ALKBH8: variants seen among roughly 807,000 people sequenced by gnomAD.
The protein encoded by ALKBH8 is alkB homolog 8, tRNA methyltransferase, also known as tRNA (carboxymethyluridine(34)-5-O)-methyltransferase ALKBH8.
In ALKBH8, 36 loss-of-function variants were observed where a neutral mutation model predicts 59.8. That is an observed-to-expected ratio of 0.60 (90% CI 0.46 to 0.79). The LOEUF is 0.79. Among genes scored for constraint, ALKBH8 ranks in the 30% least tolerant of loss-of-function variants. The pLI is 0.00. For synonymous variants in ALKBH8, 276 were observed against 273.6 expected, an observed-to-expected ratio of 1.01 and a Z score of -0.09; for missense variants, 768 against 801.0, an observed-to-expected ratio of 0.96 and a Z score of 0.50.
chr11:107,507,438 A>G (rs1268183877), intron 11 of ALKBH8, among the ~76,000 whole-genome samples: 2 of 152,190 alleles, frequency 1.3e-5, no homozygotes, highest in Non-Finnish European at 2.9e-5. Flanking sequence ...GGGTTTAAGG[A>G]GCTGGGAAAT....
chr11:107,550,877 C>G (rs1445436421), intron 6 of ALKBH8, among the ~76,000 whole-genome samples: 8 of 152,138 alleles, frequency 5.3e-5, no homozygotes, highest in Non-Finnish European at 1.2e-4. Context: ...GGAAGGGAGG[C>G]CTCACCAGGA....
At chr11:107,542,867 G>C (rs1373774785) in intron 7 of ALKBH8, among the ~76,000 whole-genome samples, 1 of 152,132 alleles carries the variant, frequency 6.6e-6, no homozygotes, top group Non-Finnish European at 1.5e-5. Flanking sequence ...CCATGAGTGT[G>C]CCACTGCACT....
chr11:107,555,543 T>C (rs564974441), intron 3 of ALKBH8, among the ~76,000 whole-genome samples: 2 of 152,344 alleles, frequency 1.3e-5, no homozygotes, highest in East Asian at 3.9e-4. Context: ...GATAATCTAG[T>C]TTCCAAAATA....
intron 7 of ALKBH8, among the ~76,000 whole-genome samples, chr11:107,539,471 C>T (rs1214408207): frequency 4.6e-5 from 7 of 151,860 alleles, no homozygotes; most frequent in Non-Finnish European, 8.8e-5. Context: ...TGGTGGTGGG[C>T]GTCTATAGTC....
At chr11:107,522,690 A>C in intron 9 of ALKBH8, 135 bp from the exon 10 acceptor site, 1 of 1,106,824 alleles carries the variant, frequency 9.0e-7, no homozygotes, top group African/African-American at 1.6e-5. Context: ...TTAAAAGAAA[A>C]AGTTCTTCCC....
intron 7 of ALKBH8, among the ~76,000 whole-genome samples, chr11:107,537,868 G>C (rs1478560420): frequency 1.3e-5 from 2 of 152,000 alleles, no homozygotes; most frequent in Non-Finnish European, 2.9e-5. Context: ...GCACTAAATA[G>C]AAAATAAAAA....
At chr11:107,549,926 G>T in intron 6 of ALKBH8, 103 bp from the exon 7 acceptor site, 1 of 771,556 alleles carries the variant, frequency 1.3e-6, no homozygotes, top group Non-Finnish European at 2.0e-6. Flanking sequence ...AACATTGCTT[G>T]GTAATCAGGA....
chr11:107,546,227 G>A (rs1864247339), intron 7 of ALKBH8, among the ~76,000 whole-genome samples: 1 of 152,134 alleles, frequency 6.6e-6, no homozygotes, highest in Non-Finnish European at 1.5e-5. Context: ...TTAGGGAGAT[G>A]CACATTAAAT....
intron 7 of ALKBH8, among the ~76,000 whole-genome samples, chr11:107,536,687 G>A (rs1169528183): frequency 6.6e-6 from 1 of 152,132 alleles, no homozygotes; most frequent in Non-Finnish European, 1.5e-5. Context: ...AAACTCAGCG[G>A]TAAGGGGAAG....
At chr11:107,556,152 C>T (rs968907570) in intron 3 of ALKBH8, among the ~76,000 whole-genome samples, 14 of 152,142 alleles carry the variant, frequency 9.2e-5, no homozygotes, top group African/African-American at 2.9e-4. Flanking sequence ...GTGGCACATG[C>T]CTGTAATCCC....
At chr11:107,546,304 C>T (rs1864251012) in intron 7 of ALKBH8, among the ~76,000 whole-genome samples, 1 of 152,148 alleles carries the variant, frequency 6.6e-6, no homozygotes, top group African/African-American at 2.4e-5. Context: ...TGCCCAACAA[C>T]ATTACTAGTT....
chr11:107,512,838 G>A (rs1256132475), intron 10 of ALKBH8, among the ~76,000 whole-genome samples: 1 of 152,134 alleles, frequency 6.6e-6, no homozygotes, highest in Non-Finnish European at 1.5e-5. Context: ...AACATGCTGG[G>A]ATAACTGGCT....
intron 7 of ALKBH8, among the ~76,000 whole-genome samples, chr11:107,546,429 A>C (rs886303530): frequency 3.9e-5 from 6 of 152,208 alleles, no homozygotes; most frequent in Non-Finnish European, 8.8e-5. Flanking sequence ...TAAAAACAAA[A>C]GCCTAGTAGA....
intron 2 of ALKBH8, among the ~76,000 whole-genome samples, chr11:107,557,838 T>C (rs1279580811): frequency 6.6e-6 from 1 of 152,236 alleles, no homozygotes; most frequent in African/African-American, 2.4e-5. Flanking sequence ...AGCACCCATA[T>C]AGTCTCTATA....
chr11:107,504,738 A>T lies in ALKBH8; in HGVS notation c.1915T>A (p.Cys639Ser). The change falls in exon 12 of 12, where the codon TGC (cysteine) becomes AGC (serine). Residue 639 changes from cysteine to serine, a missense_variant. Coordinates refer to ENST00000428149, the MANE Select transcript of ALKBH8 (RefSeq NM_138775.3). The stretch of plus-strand genomic sequence containing the variant: ...ATTCTGACATCACTCACAGTCCTGC[A>T]GGCACCTTCCAGTTCTCCCTCACGG... ...VFREGELEGA[C>S]RTVSDVRILQ... 1 of 1,552,100 alleles carries T rather than the reference A, an allele frequency of 6.4e-7. No homozygotes were observed. Among genetic ancestry groups the T allele is most frequent in the Non-Finnish European group, 8.7e-7 (1 of 1,147,058 alleles).
chr11:107,553,257 T>G (rs964618386), intron 4 of ALKBH8, 54 bp from the exon 5 acceptor site: 4 of 1,221,286 alleles, frequency 3.3e-6, no homozygotes, highest in Non-Finnish European at 4.6e-6. Flanking sequence ...TACATTCCTT[T>G]GCATATTTCA....
At position 107,505,051 on chromosome 11, in the gene ALKBH8, A is replaced by G; in HGVS notation, c.1602T>C (p.Asp534=). ...SQGKKEEMNS[D]TSVQRSLVEQ... ...CCACAAGTGACCTCTGCACTGAGGT[A>G]TCACTGTTCATCTCCTCTTTCTTTC... is the stretch of plus-strand genomic sequence containing the variant. Residue 534 remains aspartate, a synonymous_variant, in exon 12 of 12, where the codon GAT becomes GAC. Transcript: ENST00000428149. 1 of 1,551,666 alleles carries G rather than the reference A, an allele frequency of 6.4e-7. No individual in the cohort carries two copies. Among genetic ancestry groups the G allele is most frequent in the South Asian group, 1.2e-5 (1 of 84,046 alleles).
At chr11:107,525,736 G>GA (rs1863326310) in intron 8 of ALKBH8, 144 bp from the exon 9 acceptor site, 1 of 512,614 alleles carries the variant, frequency 2.0e-6, no homozygotes, top group African/African-American at 2.0e-5. Flanking sequence ...AGACATTGTG[G>GA]AAAAACAAAG....
intron 7 of ALKBH8, among the ~76,000 whole-genome samples, chr11:107,534,999 T>A (rs1475954226): frequency 2.0e-5 from 3 of 152,222 alleles, no homozygotes; most frequent in Non-Finnish European, 4.4e-5. Context: ...AGTGAGAACA[T>A]ACAATGTTTG....
Sources: allele counts gnomAD v4.1 joint callset (sites outside exome capture counted in the v4.1 genomes callset), GRCh38; gene constraint gnomAD v4.1.1; transcripts MANE v1.5; gene names NCBI Gene and HGNC (gene_info 2026-07-23, HGNC 2026-07-21).